The following ACACA variants were observed in gnomAD, a reference collection of about 807,000 sequenced individuals.
ACACA encodes acetyl-CoA carboxylase alpha.
A neutral mutation model predicts 296.1 loss-of-function variants in ACACA; 103 were observed. That is an observed-to-expected ratio of 0.35 (90% CI 0.30 to 0.41). ACACA has a LOEUF of 0.41. Ranked by LOEUF, ACACA falls within the 10% of genes least tolerant of loss-of-function variation. The pLI is 1.00. For synonymous variants in ACACA, 953 were observed against 1,038.6 expected (o/e 0.92, Z 1.58); for missense variants, 1,554 against 2,989.7 (o/e 0.52, Z 11.20).
chr17:37,310,793 C>CAA (rs74268026), intron 3 of ACACA, among the ~76,000 whole-genome samples: 505 of 50,222 alleles, frequency 0.01, 5 homozygotes, highest in East Asian at 0.023. Flanking sequence ...GACACCATCT[C>CAA]AAAAAAAAAA....
intron 3 of ACACA, among the ~76,000 whole-genome samples, chr17:37,323,076 A>G (rs1370566741): frequency 6.6e-6 from 1 of 152,280 alleles, no homozygotes; most frequent in Admixed American, 6.5e-5. Context: ...AAGCTGAAAG[A>G]GCACACTGTA....
chr17:37,142,600 G>C (rs1242822554), intron 45 of ACACA, among the ~76,000 whole-genome samples: 1 of 152,122 alleles, frequency 6.6e-6, no homozygotes, highest in Non-Finnish European at 1.5e-5. Flanking sequence ...GGGAGTACAG[G>C]GACTGTCTAT....
At chr17:37,229,550 G>A (rs1035526434) in intron 25 of ACACA, among the ~76,000 whole-genome samples, 4 of 151,906 alleles carry the variant, frequency 2.6e-5, no homozygotes, top group South Asian at 2.1e-4. Context: ...TGATCCACCC[G>A]CCTCGGCCTC....
chr17:37,185,402 C>CTTT (rs67821579), intron 39 of ACACA, among the ~76,000 whole-genome samples: 684 of 48,434 alleles, frequency 0.014, 169 homozygotes, highest in African/African-American at 0.057. Flanking sequence ...CTGGCTATTT[C>CTTT]TTTTTTTTTT....
At position 37,268,741 on chromosome 17, in the gene ACACA, CTATATA is replaced by C. The variant is rs71368449; in HGVS notation, c.1119+2004_1119+2009del. On this transcript the variant is annotated intron_variant, in intron 10 of 55. Transcript: ENST00000616317. ...TCTATCTATCTATCTATCTATCTAT[CTATATA>C]TATATATATATATATATATATCTGG... 1.2e-3 allele frequency among the ~76,000 whole-genome samples: 110 copies of C among 94,508 alleles called. 1 individual carries two copies. The highest frequency in any genetic ancestry group is 4.5e-3 in the Middle Eastern group (1 of 220). The allele number at this position is 94,508 out of a possible 152,430, so 62.0% of individuals were successfully genotyped here. A position where few individuals can be genotyped will look rare whatever the true frequency, so the allele number is the denominator to read the frequency against.
intron 29 of ACACA, among the ~76,000 whole-genome samples, chr17:37,219,288 C>T (rs772702409): frequency 6.6e-6 from 1 of 152,176 alleles, no homozygotes; most frequent in Non-Finnish European, 1.5e-5. Flanking sequence ...CCACAGGGAA[C>T]AAACTGGGAA....
intron 25 of ACACA, among the ~76,000 whole-genome samples, chr17:37,228,133 C>T (rs148858976): frequency 9.2e-5 from 14 of 151,464 alleles, no homozygotes; most frequent in African/African-American, 3.4e-4. Context: ...TTCCAAAACC[C>T]CTACCTTCCA....
intron 1 of ACACA, among the ~76,000 whole-genome samples, chr17:37,353,136 T>C (rs2048980333): frequency 6.6e-6 from 1 of 152,132 alleles, no homozygotes; most frequent in Non-Finnish European, 1.5e-5. Flanking sequence ...CAAAGTAAAA[T>C]TAAACAGCTT....
chr17:37,221,537 G>A (rs1285185739), intron 29 of ACACA, 187 bp downstream of exon 29: 1 of 672,302 alleles, frequency 1.5e-6, no homozygotes, highest in Non-Finnish European at 2.7e-6. Context: ...ATCTTACTTA[G>A]ACCATAATTT....
intron 52 of ACACA, among the ~76,000 whole-genome samples, chr17:37,099,072 G>C (rs935141877): frequency 2.6e-5 from 4 of 152,204 alleles, no homozygotes; most frequent in Non-Finnish European, 5.9e-5. Flanking sequence ...ATGCAGAAGA[G>C]GAAGGTCTAT....
chr17:37,295,032 C>T (rs566591232), intron 3 of ACACA, among the ~76,000 whole-genome samples: 1 of 152,332 alleles, frequency 6.6e-6, no homozygotes, highest in East Asian at 1.9e-4. Flanking sequence ...ATGATAGGAA[C>T]TGGAGGCTGG....
At chr17:37,175,831 G>T (rs1351324955) in intron 41 of ACACA, among the ~76,000 whole-genome samples, 1 of 152,090 alleles carries the variant, frequency 6.6e-6, no homozygotes, top group Non-Finnish European at 1.5e-5. Context: ...TCATGCATTA[G>T]GTGGTACTCC....
chr17:37,191,336 T>G, intron 37 of ACACA, 61 bp from the exon 38 acceptor site: 1 of 1,490,722 alleles, frequency 6.7e-7, no homozygotes. Context: ...AAGAAATGGC[T>G]ATTATAATCA....
chr17:37,293,012 A>G (rs917128188), intron 3 of ACACA, among the ~76,000 whole-genome samples: 2 of 152,256 alleles, frequency 1.3e-5, no homozygotes, highest in African/African-American at 4.8e-5. Context: ...GCTTAACTAT[A>G]TATTAAAAAA....
At chr17:37,212,360 C>T (rs1377332480) in intron 29 of ACACA, among the ~76,000 whole-genome samples, 1 of 152,208 alleles carries the variant, frequency 6.6e-6, no homozygotes, top group South Asian at 2.1e-4. Flanking sequence ...TCTCCATCAG[C>T]AACTCTCAAG....
chr17:37,397,765 C>G (rs2051127487), intron 1 of ACACA, among the ~76,000 whole-genome samples: 2 of 152,106 alleles, frequency 1.3e-5, no homozygotes, highest in Admixed American at 1.3e-4. Context: ...AATTTCAGAT[C>G]CAAAAAGTCT....
chr17:37,202,455 T>C (rs577474736), intron 33 of ACACA, among the ~76,000 whole-genome samples: 8 of 151,948 alleles, frequency 5.3e-5, no homozygotes, highest in South Asian at 2.1e-4. Flanking sequence ...TTTACAAATA[T>C]ATGATCCTAA....
At chr17:37,101,210 T>C (rs1342332314) in intron 52 of ACACA, among the ~76,000 whole-genome samples, 1 of 151,696 alleles carries the variant, frequency 6.6e-6, no homozygotes, top group Non-Finnish European at 1.5e-5. Context: ...GCAGAAATAA[T>C]AAAGCATTGG....
At position 37,130,024 on chromosome 17, in the gene ACACA, G is replaced by A. The variant is rs749911239; in HGVS notation, c.5823+51C>T. On this transcript the variant is annotated intron_variant, in intron 46 of 55. Coordinates refer to ENST00000616317, the MANE Select transcript of ACACA (RefSeq NM_198834.3). ...AAACACAGAGGCAGTGAGCTGTGGT[G>A]GAAATGACAGGCTCTGCAGGCCATG... 7 of 1,609,886 alleles carry A rather than the reference G, an allele frequency of 4.3e-6. No homozygotes were observed. The East Asian group carries it at 6.7e-5, about 15-fold the overall frequency.
Sources: gnomAD v4.1 joint callset for allele counts (sites outside exome capture counted in the v4.1 genomes callset) on GRCh38, gnomAD v4.1.1 for gene constraint, MANE v1.5 for transcripts, NCBI Gene and HGNC (gene_info 2026-07-23, HGNC 2026-07-21) for gene names.